The following OSBPL6 variants were observed in gnomAD, a reference collection of about 807,000 sequenced individuals.
The protein encoded by OSBPL6 is oxysterol-binding protein-related protein 6.
A neutral mutation model predicts 125.8 loss-of-function variants in OSBPL6; 49 were observed. The observed-to-expected ratio is 0.39, with a 90% confidence interval of 0.31 to 0.49. The LOEUF is 0.49. Among genes scored for constraint, OSBPL6 ranks in the 20% least tolerant of loss-of-function variants. OSBPL6 has a pLI of 0.88. For synonymous variants in OSBPL6, 394 were observed against 391.8 expected, an observed-to-expected ratio of 1.01 and a Z score of -0.07; for missense variants, 986 against 1,135.4, an observed-to-expected ratio of 0.87 and a Z score of 1.89.
At chr2:178,324,321 G>A (rs1688508857) in intron 4 of OSBPL6, 52 bp downstream of exon 4, 2 of 1,333,254 alleles carry the variant, frequency 1.5e-6, no homozygotes, top group South Asian at 1.3e-5. Context: ...CTGCTCTGGG[G>A]CCAATTGAAC....
intron 1 of OSBPL6, among the ~76,000 whole-genome samples, chr2:178,265,349 A>C (rs114509409): frequency 0.012 from 1,775 of 150,756 alleles, 30 homozygotes; most frequent in African/African-American, 0.041. Flanking sequence ...GTAGCTGGAA[A>C]CACAGGTGTG....
At chr2:178,349,134 AT>A (rs1690998222) in intron 11 of OSBPL6, 89 bp from the exon 12 acceptor site, 2 of 1,334,818 alleles carry the variant, frequency 1.5e-6, no homozygotes, top group African/African-American at 2.9e-5. Context: ...GGAATCTATT[AT>A]TTTGAAGAAC....
chr2:178,243,344 A>T (rs2091363276), intron 1 of OSBPL6, among the ~76,000 whole-genome samples: 1 of 151,898 alleles, frequency 6.6e-6, no homozygotes, highest in African/African-American at 2.4e-5. Flanking sequence ...GTACCTGAGG[A>T]AGTCTCAAAG....
chr2:178,285,091 G>C lies in OSBPL6; in HGVS notation c.-186G>C, dbSNP rs1269504211. The C allele has an allele frequency of 2.5e-6, 1 of 398,340 alleles. No homozygotes were observed. Among genetic ancestry groups the C allele is most frequent in the Non-Finnish European group, 4.4e-6 (1 of 225,998 alleles). The allele number at this position is 398,340 out of a possible 1,614,324, so 24.7% of individuals were successfully genotyped here. On this transcript the variant is annotated 5_prime_UTR_variant, in exon 2 of 25. Coordinates refer to ENST00000190611, the MANE Select transcript of OSBPL6 (RefSeq NM_032523.4). ...GTGAAACAGCTTTGACCATAAAGCT[G>C]ACTTGGAAGACTTTGACTCCAAGGT...
In OSBPL6 at chr2:178,392,504, C is replaced by G; in HGVS notation, c.2539C>G (p.Pro847Ala). The change falls in exon 23 of 25, where the codon CCA becomes GCA. Residue 847 changes from proline (P) to alanine (A), a missense_variant. By Grantham distance (27) the Pro-to-Ala change is conservative. This residue lies in a region of OSBPL6 where 843 missense variants were observed against 997.3 expected (regional missense o/e 0.85). Coordinates refer to ENST00000190611, the MANE Select transcript of OSBPL6 (RefSeq NM_032523.4). ...ELDPVLKDLL[P>A]PTDARFRPDQ... ...AGATCCAGTACTAAAAGATCTCCTT[C>G]CACCAACAGACGCCCGGTTCCGGCC... 6.2e-7 allele frequency: 1 copy of G among 1,614,066 alleles called. No homozygotes were observed.
intron 15 of OSBPL6, among the ~76,000 whole-genome samples, chr2:178,375,637 G>A (rs929443504): frequency 5.9e-5 from 9 of 151,974 alleles, no homozygotes; most frequent in Admixed American, 2.0e-4. Context: ...TGGTCAGGCT[G>A]GTCTCGAAAT....
Position 178,374,006 on chromosome 2 carries a change from TGCAA to T in OSBPL6, c.1514_1517del (p.Ala505ValfsTer17). 1 of 1,614,110 alleles carries T rather than the reference TGCAA, an allele frequency of 6.2e-7. No individual in the cohort carries two copies. Among genetic ancestry groups the T allele is most frequent in the Non-Finnish European group, 8.5e-7 (1 of 1,179,964 alleles). ...TTGATGCCCAAGAGGTGCTCCTCTC[TGCAA>T]GTTCGTCAGAGAATGAGGTATGTAT... On this transcript the variant is annotated frameshift_variant, in exon 15 of 25. Transcript: ENST00000190611. LOFTEE classifies it high-confidence loss of function.
At chr2:178,255,347 G>A (rs2091848530) in intron 1 of OSBPL6, among the ~76,000 whole-genome samples, 4 of 152,140 alleles carry the variant, frequency 2.6e-5, no homozygotes, top group African/African-American at 9.7e-5. Flanking sequence ...CAAAAACAGA[G>A]CGTGTGCAGG....
rs1026430375 is a variant in OSBPL6 at position 178,382,744 on chromosome 2, G to C, written c.1621+237G>C. 4 of 1,439,628 alleles carry C rather than the reference G, an allele frequency of 2.8e-6. No individual in the cohort carries two copies. The East Asian group carries it at 1.0e-4, about 36-fold the overall frequency. 89.2% of individuals were successfully genotyped at this position (1,439,628 alleles called of 1,614,324 possible). Reference sequence around the variant, plus strand: ...TTCCTCTTTCTCAAACCAACAGCTTGAGTCCTTCTTATTAAATGTATTTAA... The same window carrying C: ...TTCCTCTTTCTCAAACCAACAGCTTCAGTCCTTCTTATTAAATGTATTTAA... On this transcript the variant is annotated intron_variant, in intron 16 of 24. Coordinates refer to ENST00000190611, the MANE Select transcript of OSBPL6 (RefSeq NM_032523.4).
At chr2:178,313,767 C>A (rs1317700402) in intron 3 of OSBPL6, among the ~76,000 whole-genome samples, 2 of 152,062 alleles carry the variant, frequency 1.3e-5, no homozygotes, top group African/African-American at 4.8e-5. Context: ...ATTTCAAAAC[C>A]AACAGTGGCC....
At position 178,357,133 on chromosome 2, in the gene OSBPL6, C is replaced by T. The variant is rs57637100; in HGVS notation, c.1154-4549C>T. Among the ~76,000 whole-genome samples, 1,413 of 152,272 alleles carry T rather than the reference C, an allele frequency of 9.3e-3. 23 individuals are homozygous for T. Among genetic ancestry groups the T allele is most frequent in the African/African-American group, 0.032 (1,348 of 41,556 alleles). ...AACGTTAGACCTAAAACTGTAAAAA[C>T]TCTAGAAGAAAACCTTAGCAATACT... On this transcript the variant is annotated intron_variant, in intron 12 of 24. Coordinates refer to ENST00000190611, the MANE Select transcript of OSBPL6 (RefSeq NM_032523.4).
chr2:178,336,560 T>A (rs1164052691), intron 9 of OSBPL6, 127 bp downstream of exon 9: 3 of 1,076,262 alleles, frequency 2.8e-6, no homozygotes, highest in Non-Finnish European at 4.0e-6. Context: ...CTTTCCTTGC[T>A]CTTTCTCCCC....
intron 11 of OSBPL6, among the ~76,000 whole-genome samples, chr2:178,343,198 G>C (rs979966885): frequency 3.9e-5 from 6 of 152,176 alleles, no homozygotes; most frequent in African/African-American, 1.4e-4. Flanking sequence ...GAGATTCTAA[G>C]AAAGTATATC....
intron 21 of OSBPL6, among the ~76,000 whole-genome samples, 187 bp from the exon 22 acceptor site, chr2:178,390,886 C>A (rs1238756631): frequency 6.6e-6 from 1 of 152,134 alleles, no homozygotes; most frequent in East Asian, 1.9e-4. Flanking sequence ...AGAGACCATC[C>A]CTTTCTTGAA....
chr2:178,276,726 A>G (rs1044550308), intron 1 of OSBPL6, among the ~76,000 whole-genome samples: 1 of 149,228 alleles, frequency 6.7e-6, no homozygotes, highest in African/African-American at 2.5e-5. Context: ...CCGTGAATCC[A>G]TTGCTTCCTC....
intron 1 of OSBPL6, among the ~76,000 whole-genome samples, chr2:178,196,559 A>G (rs2088899852): frequency 6.6e-6 from 1 of 152,158 alleles, no homozygotes; most frequent in African/African-American, 2.4e-5. Flanking sequence ...AAGTTTTCTT[A>G]TCCCTAGATT....
At chr2:178,260,668 A>G (rs770987812) in intron 1 of OSBPL6, among the ~76,000 whole-genome samples, 1 of 152,194 alleles carries the variant, frequency 6.6e-6, no homozygotes, top group Non-Finnish European at 1.5e-5. Context: ...TAAATAAACT[A>G]TTTCTTGAGC....
intron 23 of OSBPL6, among the ~76,000 whole-genome samples, chr2:178,393,503 G>A (rs1173661592): frequency 6.6e-6 from 1 of 151,990 alleles, no homozygotes; most frequent in Admixed American, 6.6e-5. Context: ...GGCTTTATCT[G>A]CCATCTGCCA....
At chr2:178,218,122 A>G (rs2090165140) in intron 1 of OSBPL6, among the ~76,000 whole-genome samples, 1 of 152,206 alleles carries the variant, frequency 6.6e-6, no homozygotes, top group African/African-American at 2.4e-5. Context: ...CTCAAGTCCA[A>G]AAAAGTTTTA....
Sources: gnomAD v4.1 joint callset for allele counts (sites outside exome capture counted in the v4.1 genomes callset) on GRCh38, gnomAD v4.1.1 for gene constraint, gnomAD v4.1.1 regional missense constraint, MANE v1.5 for transcripts, NCBI Gene and HGNC (gene_info 2026-07-23, HGNC 2026-07-21) for gene names.